The following TNRC6B variants were observed in gnomAD, a reference collection of about 807,000 sequenced individuals.
TNRC6B encodes trinucleotide repeat containing adaptor 6B, also known as trinucleotide repeat-containing gene 6B protein.
A neutral mutation model predicts 203.6 loss-of-function variants in TNRC6B; 52 were observed. The observed-to-expected ratio is 0.26, with a 90% confidence interval of 0.20 to 0.32. The LOEUF is 0.32. Ranked by LOEUF, TNRC6B falls within the 10% of genes least tolerant of loss-of-function variation. TNRC6B has a pLI of 1.00. For missense variants in TNRC6B, 1,923 were observed against 2,286.2 expected, an observed-to-expected ratio of 0.84 and a Z score of 3.24; for synonymous variants, 838 against 845.7, an observed-to-expected ratio of 0.99 and a Z score of 0.16.
At chr22:40,131,336 A>G (rs1205514036) in intron 3 of TNRC6B, among the ~76,000 whole-genome samples, 2 of 151,974 alleles carry the variant, frequency 1.3e-5, no homozygotes, top group Non-Finnish European at 2.9e-5. Flanking sequence ...ATTGAAGTTC[A>G]GAGATGGATT....
chr22:40,157,564 C>T (rs752317873), intron 4 of TNRC6B, among the ~76,000 whole-genome samples: 2 of 152,196 alleles, frequency 1.3e-5, no homozygotes, highest in African/African-American at 4.8e-5. Context: ...AAAAATAGCT[C>T]ACAATATAAA....
chr22:40,250,256 G>C (rs2070171944), intron 2 of TNRC6B, among the ~76,000 whole-genome samples: 1 of 152,136 alleles, frequency 6.6e-6, no homozygotes, highest in Non-Finnish European at 1.5e-5. Flanking sequence ...TGGATGTTTT[G>C]CTTGTGCATC....
chr22:40,273,647 G>A, intron 7 of TNRC6B, 47 bp downstream of exon 7: 2 of 1,494,908 alleles, frequency 1.3e-6, no homozygotes, highest in Non-Finnish European at 1.8e-6. Flanking sequence ...CTCTGAGAAG[G>A]CAGAACTGAG....
intron 12 of TNRC6B, among the ~76,000 whole-genome samples, chr22:40,296,326 A>ATTCTTT (rs2070940065): frequency 8.0e-6 from 1 of 125,462 alleles, no homozygotes; most frequent in South Asian, 2.5e-4. Flanking sequence ...AGAATGGTGA[A>ATTCTTT]TTTTTTTTTT....
At chr22:40,299,579 G>A (rs371901826) in intron 12 of TNRC6B, among the ~76,000 whole-genome samples, 4 of 152,186 alleles carry the variant, frequency 2.6e-5, no homozygotes, top group East Asian at 1.9e-4. Flanking sequence ...TTAAAGAGAT[G>A]ATAGCTCGCT....
At chr22:40,170,901 A>G (rs1275435931) in intron 4 of TNRC6B, among the ~76,000 whole-genome samples, 1 of 141,460 alleles carries the variant, frequency 7.1e-6, no homozygotes, top group Admixed American at 7.4e-5. Flanking sequence ...ATATACCTAT[A>G]TATGTGCATA....
intron 3 of TNRC6B, among the ~76,000 whole-genome samples, chr22:40,259,191 G>T (rs368727073): frequency 6.6e-6 from 1 of 151,920 alleles, no homozygotes; most frequent in Non-Finnish European, 1.5e-5. Flanking sequence ...TCCATCTGTT[G>T]TTATAGGTCA....
intron 1 of TNRC6B, among the ~76,000 whole-genome samples, chr22:40,094,047 A>G (rs777961621): frequency 9.2e-5 from 14 of 152,212 alleles, no homozygotes; most frequent in Non-Finnish European, 1.6e-4. Flanking sequence ...ACCTGTATCA[A>G]AACATCACAT....
At chr22:40,064,803 G>A (rs2067882038) in intron 1 of TNRC6B, among the ~76,000 whole-genome samples, 1 of 151,776 alleles carries the variant, frequency 6.6e-6, no homozygotes, top group Non-Finnish European at 1.5e-5. Flanking sequence ...TTTTAGTAGA[G>A]ACAGGGTTTC....
chr22:40,298,821 C>T (rs1170839721), intron 12 of TNRC6B, among the ~76,000 whole-genome samples: 1 of 152,142 alleles, frequency 6.6e-6, no homozygotes, highest in East Asian at 1.9e-4. Context: ...CAAAAATTAG[C>T]CGGGCGCAGT....
At chr22:40,268,072 T>A (rs746451277) in intron 5 of TNRC6B, among the ~76,000 whole-genome samples, 1 of 152,182 alleles carries the variant, frequency 6.6e-6, no homozygotes, top group Non-Finnish European at 1.5e-5. Flanking sequence ...TTTTTTTAGT[T>A]AAAATTAATA....
chr22:40,256,465 T>C (rs540826235), intron 3 of TNRC6B, among the ~76,000 whole-genome samples: 1 of 152,244 alleles, frequency 6.6e-6, no homozygotes, highest in South Asian at 2.1e-4. Context: ...GCCAACTTTT[T>C]TGTACTGCCC....
intron 9 of TNRC6B, among the ~76,000 whole-genome samples, chr22:40,278,429 G>T (rs1012692111): frequency 6.6e-6 from 1 of 151,894 alleles, no homozygotes; most frequent in African/African-American, 2.4e-5. Context: ...ATGGTGTGGC[G>T]CACCTGTAGT....
chr22:40,119,152 G>A (rs1435669919), intron 2 of TNRC6B, among the ~76,000 whole-genome samples: 4 of 152,194 alleles, frequency 2.6e-5, no homozygotes, highest in Admixed American at 2.6e-4. Flanking sequence ...GACATTACTT[G>A]TATTTAGTTC....
chr22:40,060,666 C>G (rs2067841787), intron 1 of TNRC6B, among the ~76,000 whole-genome samples: 1 of 152,112 alleles, frequency 6.6e-6, no homozygotes, highest in African/African-American at 2.4e-5. Flanking sequence ...TGAAAAAATA[C>G]AGTGCAAAAT....
chr22:40,089,037 T>C (rs557448438), intron 1 of TNRC6B, among the ~76,000 whole-genome samples: 1 of 152,268 alleles, frequency 6.6e-6, no homozygotes, highest in East Asian at 1.9e-4. Context: ...ATGTGGAACA[T>C]ACCAGTGATC....
chr22:40,137,982 CAAAAAAA>C (rs10578847), intron 3 of TNRC6B, among the ~76,000 whole-genome samples: 1 of 109,884 alleles, frequency 9.1e-6, no homozygotes. Flanking sequence ...GACTGTATCT[CAAAAAAA>C]AAAAAAAAAA....
chr22:40,279,613 T>A (rs2070697550), intron 9 of TNRC6B, among the ~76,000 whole-genome samples: 1 of 152,140 alleles, frequency 6.6e-6, no homozygotes, highest in Non-Finnish European at 1.5e-5. Flanking sequence ...ACAGACAACT[T>A]CTCTCCCTGA....
At chr22:40,269,126 C>CTTTTTTT (rs35575346) in intron 5 of TNRC6B, among the ~76,000 whole-genome samples, 3 of 57,876 alleles carry the variant, frequency 5.2e-5, no homozygotes, top group Admixed American at 2.8e-4. Flanking sequence ...TACAGTATTT[C>CTTTTTTT]TTTTTTTTTT....
Sources: gnomAD v4.1 joint callset for allele counts (sites outside exome capture counted in the v4.1 genomes callset) on GRCh38, gnomAD v4.1.1 for gene constraint, MANE v1.5 for transcripts, NCBI Gene and HGNC (gene_info 2026-07-23, HGNC 2026-07-21) for gene names.